The following SCFD2 variants were observed in gnomAD, a reference collection of about 807,000 sequenced individuals.
The protein encoded by SCFD2 is sec1 family domain-containing protein 2.
Under a neutral mutation model 58.9 loss-of-function variants are expected in SCFD2, and 54 were observed. That is an observed-to-expected ratio of 0.92 (90% CI 0.74 to 1.15). SCFD2 has a LOEUF of 1.15. Ranked by LOEUF, SCFD2 falls within the 50% of genes most tolerant of loss-of-function variation. SCFD2 has a pLI of 0.00. For synonymous variants in SCFD2, 321 were observed against 335.9 expected, an observed-to-expected ratio of 0.96 and a Z score of 0.49; for missense variants, 805 against 836.6, an observed-to-expected ratio of 0.96 and a Z score of 0.47.
intron 3 of SCFD2, among the ~76,000 whole-genome samples, chr4:53,305,352 T>G (rs958297518): frequency 3.3e-5 from 5 of 152,310 alleles, no homozygotes; most frequent in African/African-American, 1.2e-4. Flanking sequence ...TCAATTTCAT[T>G]CTTTGTATGT....
chr4:53,313,063 T>G (rs1336342770), intron 3 of SCFD2, among the ~76,000 whole-genome samples: 1 of 152,058 alleles, frequency 6.6e-6, no homozygotes, highest in Non-Finnish European at 1.5e-5. Flanking sequence ...GCAATCATAT[T>G]CATCTAATAC....
chr4:52,982,085 T>TTTCCA (rs1176960032), intron 5 of SCFD2, among the ~76,000 whole-genome samples: 1 of 152,226 alleles, frequency 6.6e-6, no homozygotes, highest in African/African-American at 2.4e-5. Flanking sequence ...ATAATGGTAC[T>TTTCCA]GTTTATAAGC....
At chr4:53,222,777 G>T (rs1729086631) in intron 4 of SCFD2, among the ~76,000 whole-genome samples, 1 of 152,112 alleles carries the variant, frequency 6.6e-6, no homozygotes, top group South Asian at 2.1e-4. Flanking sequence ...GAAAGAACTG[G>T]TACCACAATG....
intron 4 of SCFD2, among the ~76,000 whole-genome samples, chr4:53,239,179 C>G (rs557791940): frequency 1.3e-5 from 2 of 151,576 alleles, no homozygotes; most frequent in Admixed American, 6.6e-5. Flanking sequence ...GCCAACACAG[C>G]GAAACCCCGT....
intron 7 of SCFD2, among the ~76,000 whole-genome samples, chr4:52,903,837 CA>C (rs1193157837): frequency 6.6e-6 from 1 of 152,152 alleles, no homozygotes; most frequent in African/African-American, 2.4e-5. Context: ...CACTAATGTG[CA>C]GTGAATCAAG....
intron 5 of SCFD2, among the ~76,000 whole-genome samples, chr4:53,039,590 C>T (rs769736961): frequency 2.0e-5 from 3 of 152,156 alleles, no homozygotes; most frequent in Non-Finnish European, 4.4e-5. Context: ...TCTCACTGGG[C>T]CTGAGTTTAG....
chr4:53,036,678 C>T (rs935366111), intron 5 of SCFD2, among the ~76,000 whole-genome samples: 24 of 151,964 alleles, frequency 1.6e-4, no homozygotes, highest in Admixed American at 5.2e-4. Flanking sequence ...GAACATCACA[C>T]GCCGGGGCCT....
chr4:53,101,039 A>C lies in SCFD2; in HGVS notation c.1561+44294T>G, dbSNP rs147322768. Among the ~76,000 whole-genome samples the C allele has an allele frequency of 3.1e-3, 475 of 152,298 alleles. 1 individual carries two copies. Among genetic ancestry groups the C allele is most frequent in the African/African-American group, 0.011 (441 of 41,564 alleles). ...TCAAATGCGTCGATGGAGACAGAAA[A>C]ATGTCAAACACAAAGATTACATGAA... is the stretch of plus-strand genomic sequence containing the variant. On this transcript the variant is annotated intron_variant, in intron 5 of 8. Transcript: ENST00000401642.
intron 4 of SCFD2, among the ~76,000 whole-genome samples, chr4:53,259,000 C>T (rs1481806534): frequency 1.3e-5 from 2 of 152,038 alleles, no homozygotes; most frequent in African/African-American, 4.8e-5. Context: ...TTTCCATATG[C>T]TTGTCAGCCA....
intron 5 of SCFD2, among the ~76,000 whole-genome samples, chr4:53,064,830 T>TA (rs1723611938): frequency 6.6e-6 from 1 of 152,110 alleles, no homozygotes; most frequent in Non-Finnish European, 1.5e-5. Context: ...AAAACAGGCA[T>TA]AAAAAGGCAG....
intron 2 of SCFD2, among the ~76,000 whole-genome samples, chr4:53,348,264 T>G (rs576818309): frequency 6.6e-6 from 1 of 152,372 alleles, no homozygotes; most frequent in East Asian, 1.9e-4. Context: ...GCAAATAAAT[T>G]TTGACTATCA....
At chr4:53,066,132 A>G (rs1419933162) in intron 5 of SCFD2, among the ~76,000 whole-genome samples, 1 of 152,134 alleles carries the variant, frequency 6.6e-6, no homozygotes, top group Non-Finnish European at 1.5e-5. Flanking sequence ...GACCAGGACT[A>G]ATTGTCTTTG....
At chr4:52,894,610 C>G (rs565053511) in intron 7 of SCFD2, among the ~76,000 whole-genome samples, 80 of 152,316 alleles carry the variant, frequency 5.3e-4, no homozygotes, top group Non-Finnish European at 9.1e-4. Context: ...AGAGAAAAGG[C>G]TGTTTGAAGA....
chr4:52,940,987 A>G (rs1459607639), intron 5 of SCFD2, among the ~76,000 whole-genome samples: 1 of 151,916 alleles, frequency 6.6e-6, no homozygotes, highest in Non-Finnish European at 1.5e-5. Context: ...CCCCTTTCCC[A>G]TGACACCTCC....
chr4:53,043,600 G>A (rs1412564084), intron 5 of SCFD2, among the ~76,000 whole-genome samples: 5 of 152,094 alleles, frequency 3.3e-5, no homozygotes, highest in Non-Finnish European at 5.9e-5. Context: ...GTGTTGAAGT[G>A]TGCTAAAAAT....
At chr4:53,070,726 GCTTTA>G (rs984287787) in intron 5 of SCFD2, among the ~76,000 whole-genome samples, 5 of 152,006 alleles carry the variant, frequency 3.3e-5, no homozygotes, top group Non-Finnish European at 2.9e-5. Flanking sequence ...CTAGAAAGAT[GCTTTA>G]CTCTATAGGT....
At position 53,167,128 on chromosome 4, in the gene SCFD2, CTT is replaced by C. The variant is rs771360196; in HGVS notation, c.1312-21548_1312-21547del. Among the ~76,000 whole-genome samples, 9 of 152,304 alleles carry C rather than the reference CTT, an allele frequency of 5.9e-5. No homozygotes were observed. The East Asian group carries it at 1.7e-3, about 29-fold the overall frequency. ...CCCTTTCTTTACCGGACAATTCCTA[CTT>C]ACTCTTTAATACCCAATTCATATGT... On this transcript the variant is annotated intron_variant, in intron 4 of 8. Coordinates refer to ENST00000401642, the MANE Select transcript of SCFD2 (RefSeq NM_152540.4).
chr4:53,111,606 G>A (rs536188309), intron 5 of SCFD2, among the ~76,000 whole-genome samples: 2 of 152,154 alleles, frequency 1.3e-5, no homozygotes, highest in East Asian at 3.9e-4. Flanking sequence ...GTATAATTGA[G>A]GACTGAAAGG....
intron 5 of SCFD2, among the ~76,000 whole-genome samples, chr4:52,948,112 T>G (rs961793343): frequency 2.6e-5 from 4 of 152,112 alleles, no homozygotes; most frequent in Admixed American, 6.5e-5. Flanking sequence ...CAAATCCATA[T>G]GGGATACAGC....
Sources: allele counts gnomAD v4.1 joint callset (sites outside exome capture counted in the v4.1 genomes callset), GRCh38; gene constraint gnomAD v4.1.1; transcripts MANE v1.5; gene names NCBI Gene and HGNC (gene_info 2026-07-23, HGNC 2026-07-21).